Variants in CCSER1 observed in about 807,000 individuals in gnomAD.
CCSER1 encodes the protein coiled-coil serine rich protein 1.
CCSER1 carries 41 observed loss-of-function variants against 82.0 expected under a neutral mutation model. The observed-to-expected ratio is 0.50, with a 90% CI of 0.39 to 0.65. The LOEUF (loss-of-function observed/expected upper bound fraction) is 0.65. CCSER1 is among the 30% of genes least tolerant of loss of function. The probability of loss-of-function intolerance (pLI) is 0.00; values close to 1 mark genes in which losing one functional copy is unlikely to be tolerated. For synonymous variants in CCSER1, 414 were observed against 383.9 expected (o/e 1.08, Z -0.92); for missense variants, 1,119 against 1,064.2 (o/e 1.05, Z -0.72).
chr4:91,028,849 A>G (rs1283580231), intron 9 of CCSER1, among the ~76,000 whole-genome samples: 1 of 152,066 alleles, frequency 6.6e-6, no homozygotes, highest in Non-Finnish European at 1.5e-5. Context: ...CATCCACATT[A>G]CAATGTAGCA....
chr4:91,003,066 G>A (rs536941558), intron 9 of CCSER1, among the ~76,000 whole-genome samples: 26 of 152,236 alleles, frequency 1.7e-4, no homozygotes, highest in East Asian at 5.8e-4. Flanking sequence ...GGCTGGTACC[G>A]GGGGTTGTCT....
chr4:90,258,842 C>A (rs1723809587), intron 1 of CCSER1, among the ~76,000 whole-genome samples: 1 of 152,068 alleles, frequency 6.6e-6, no homozygotes, highest in Non-Finnish European at 1.5e-5. Flanking sequence ...TAGTCTTACA[C>A]CCCTCACTTT....
intron 7 of CCSER1, among the ~76,000 whole-genome samples, chr4:90,744,144 G>A (rs1253138739): frequency 2.0e-5 from 3 of 152,126 alleles, no homozygotes; most frequent in African/African-American, 7.2e-5. Flanking sequence ...TTTGCACACG[G>A]CCTGGAAAAG....
intron 1 of CCSER1, among the ~76,000 whole-genome samples, chr4:90,268,148 T>A (rs114078342): frequency 6.6e-6 from 1 of 152,170 alleles, no homozygotes; most frequent in Non-Finnish European, 1.5e-5. Context: ...CAAGAAATGC[T>A]AAAGGGAGTT....
intron 1 of CCSER1, among the ~76,000 whole-genome samples, chr4:90,236,407 G>A (rs1398171209): frequency 3.9e-5 from 6 of 152,112 alleles, no homozygotes; most frequent in African/African-American, 1.4e-4. Flanking sequence ...CAGTAGTTTA[G>A]TGGGACAGGG....
intron 10 of CCSER1, among the ~76,000 whole-genome samples, chr4:91,178,635 C>CT (rs1409596571): frequency 6.6e-6 from 1 of 152,036 alleles, no homozygotes; most frequent in Non-Finnish European, 1.5e-5. Context: ...CAAACCCTAC[C>CT]TTTTTTTATT....
chr4:91,375,774 G>T (rs1407581229), intron 10 of CCSER1, among the ~76,000 whole-genome samples: 3 of 152,000 alleles, frequency 2.0e-5, no homozygotes, highest in African/African-American at 4.8e-5. Flanking sequence ...AACAAATACA[G>T]TAGCCTAAAT....
At chr4:91,544,910 A>T (rs1761806048) in intron 10 of CCSER1, among the ~76,000 whole-genome samples, 1 of 152,126 alleles carries the variant, frequency 6.6e-6, no homozygotes, top group South Asian at 2.1e-4. Context: ...CCAGAGTTGG[A>T]GTCTACAGAG....
At chr4:90,686,253 T>C (rs915247235) in intron 6 of CCSER1, among the ~76,000 whole-genome samples, 2 of 152,094 alleles carry the variant, frequency 1.3e-5, no homozygotes, top group African/African-American at 4.8e-5. Context: ...TATCATTTAA[T>C]GACCTCTGCC....
chr4:90,943,055 T>G (rs1304222977), intron 9 of CCSER1, among the ~76,000 whole-genome samples: 3 of 151,564 alleles, frequency 2.0e-5, no homozygotes, highest in Non-Finnish European at 2.9e-5. Flanking sequence ...TGCTAATAAA[T>G]TTTGAATATA....
chr4:90,541,666 C>T (rs909988651), intron 5 of CCSER1, among the ~76,000 whole-genome samples: 1 of 151,962 alleles, frequency 6.6e-6, no homozygotes, highest in African/African-American at 2.4e-5. Flanking sequence ...CTCACTCTCT[C>T]TCAATATATG....
At position 91,296,479 on chromosome 4, in the gene CCSER1, A is replaced by ATTTT. The variant is rs1553921458; in HGVS notation, c.2217+210486_2217+210487insTTTT. On this transcript the variant is annotated intron_variant, in intron 10 of 10. Coordinates refer to ENST00000509176, the MANE Select transcript of CCSER1 (RefSeq NM_001145065.2). Reference sequence around the variant, plus strand: ...TATATATATATATGTATATATATATATATATATTTTAATTAAATATACAGT... The same window carrying ATTTT: ...TATATATATATATGTATATATATATATTTTTATATATTTTAATTAAATATACAGT... Among the ~76,000 whole-genome samples the ATTTT allele has an allele frequency of 7.6e-5, 8 of 105,638 alleles. No homozygotes were observed. The East Asian group carries it at 1.9e-3, about 25-fold the overall frequency. The allele number at this position is 105,638 out of a possible 152,430, so 69.3% of individuals were successfully genotyped here.
chr4:90,782,725 G>A (rs55705817), intron 7 of CCSER1, among the ~76,000 whole-genome samples: 82,046 of 141,206 alleles, frequency 0.58, 24,177 homozygotes, highest in African/African-American at 0.67. Flanking sequence ...TCTGTCGCCC[G>A]GGCTGGAGTG....
chr4:90,533,178 G>A (rs934962742), intron 5 of CCSER1, among the ~76,000 whole-genome samples: 2 of 133,112 alleles, frequency 1.5e-5, no homozygotes, highest in Admixed American at 8.8e-5. Context: ...TGCAAGCTCC[G>A]CCTCCCGGGT....
chr4:90,490,281 A>T (rs1462568624), intron 5 of CCSER1, among the ~76,000 whole-genome samples: 1 of 152,182 alleles, frequency 6.6e-6, no homozygotes, highest in Non-Finnish European at 1.5e-5. Flanking sequence ...GGTGATGATG[A>T]GCATTTTTTC....
At chr4:90,358,961 A>G (rs1367568941) in intron 3 of CCSER1, among the ~76,000 whole-genome samples, 1 of 152,222 alleles carries the variant, frequency 6.6e-6, no homozygotes, top group Non-Finnish European at 1.5e-5. Context: ...TTGGAGATAT[A>G]TTGACTAAAA....
chr4:91,573,185 G>A (rs933586335), intron 10 of CCSER1, among the ~76,000 whole-genome samples: 1 of 152,194 alleles, frequency 6.6e-6, no homozygotes, highest in Non-Finnish European at 1.5e-5. Flanking sequence ...AAAACCTGAA[G>A]GCTGGATTGG....
At chr4:90,548,868 G>A (rs77913167) in intron 5 of CCSER1, among the ~76,000 whole-genome samples, 4,652 of 151,874 alleles carry the variant, frequency 0.031, 232 homozygotes, top group African/African-American at 0.1. Flanking sequence ...CAAAAGAATC[G>A]TTTGAAAGAG....
At chr4:90,836,788 C>T (rs1280187497) in intron 8 of CCSER1, among the ~76,000 whole-genome samples, 1 of 152,164 alleles carries the variant, frequency 6.6e-6, no homozygotes, top group Non-Finnish European at 1.5e-5. Context: ...AGTGTTCATC[C>T]CCTAACTTTG....
Sources: gnomAD v4.1 joint callset for allele counts (sites outside exome capture counted in the v4.1 genomes callset) on GRCh38, gnomAD v4.1.1 for gene constraint, MANE v1.5 for transcripts, NCBI Gene and HGNC (gene_info 2026-07-23, HGNC 2026-07-21) for gene names.